The following PRKG1 variants were observed in gnomAD, a reference collection of about 807,000 sequenced individuals.
PRKG1 encodes the protein cGMP-dependent protein kinase 1.
Under a neutral mutation model 88.1 loss-of-function variants are expected in PRKG1, and 35 were observed. That is an observed-to-expected ratio of 0.40 (90% CI 0.30 to 0.53). The LOEUF (loss-of-function observed/expected upper bound fraction) is 0.53, where lower values mean the gene tolerates loss of function less well. Ranked by LOEUF, PRKG1 falls within the 20% of genes least tolerant of loss-of-function variation. The pLI is 0.59. For synonymous variants in PRKG1, 303 were observed against 292.5 expected (o/e 1.04, Z -0.37); for missense variants, 540 against 839.8 (o/e 0.64, Z 4.41).
chr10:52,098,591 A>C (rs1847226269), intron 7 of PRKG1, among the ~76,000 whole-genome samples: 1 of 152,208 alleles, frequency 6.6e-6, no homozygotes, highest in South Asian at 2.1e-4. Flanking sequence ...GAGGTGGATA[A>C]CGTGAGGTCA....
chr10:51,331,648 A>G (rs780654874), intron 2 of PRKG1, among the ~76,000 whole-genome samples: 8 of 152,168 alleles, frequency 5.3e-5, no homozygotes, highest in Non-Finnish European at 1.2e-4. Context: ...ATTGTGCTGC[A>G]ACTACATACC....
chr10:51,354,137 G>C (rs543229161), intron 2 of PRKG1, among the ~76,000 whole-genome samples: 1 of 151,954 alleles, frequency 6.6e-6, no homozygotes, highest in East Asian at 1.9e-4. Context: ...AGAGGAGAAG[G>C]ATGGTTACAA....
At chr10:51,719,149 C>CAAA (rs34785296) in intron 3 of PRKG1, among the ~76,000 whole-genome samples, 7 of 94,078 alleles carry the variant, frequency 7.4e-5, no homozygotes, top group East Asian at 2.3e-4. Flanking sequence ...TATCCTGTCT[C>CAAA]AAAAAAAAGA....
At chr10:51,778,344 T>C (rs1176743266) in intron 3 of PRKG1, among the ~76,000 whole-genome samples, 2 of 152,168 alleles carry the variant, frequency 1.3e-5, no homozygotes. Context: ...CAATACTGAC[T>C]AATTGGCAAA....
chr10:51,352,781 C>T (rs899301685), intron 2 of PRKG1, among the ~76,000 whole-genome samples: 3 of 151,946 alleles, frequency 2.0e-5, no homozygotes, highest in African/African-American at 7.3e-5. Flanking sequence ...TGCATGAAAT[C>T]AGAAATACCC....
At chr10:51,628,344 G>T (rs928836304) in intron 3 of PRKG1, among the ~76,000 whole-genome samples, 10 of 151,004 alleles carry the variant, frequency 6.6e-5, no homozygotes, top group Non-Finnish European at 1.3e-4. Context: ...TGTATTTTTT[G>T]TAGAAATGAG....
At chr10:51,055,781 G>A (rs564328930) in intron 1 of PRKG1, among the ~76,000 whole-genome samples, 33 of 152,156 alleles carry the variant, frequency 2.2e-4, no homozygotes, top group Non-Finnish European at 3.7e-4. Context: ...CCAAAAGGAG[G>A]ATACTTACAA....
At chr10:51,215,811 G>T (rs1838357947) in intron 2 of PRKG1, among the ~76,000 whole-genome samples, 1 of 152,096 alleles carries the variant, frequency 6.6e-6, no homozygotes, top group South Asian at 2.1e-4. Flanking sequence ...TCTATATACA[G>T]AACTTACATT....
intron 3 of PRKG1, among the ~76,000 whole-genome samples, chr10:51,508,927 G>C (rs1056166530): frequency 6.6e-6 from 1 of 152,142 alleles, no homozygotes; most frequent in African/African-American, 2.4e-5. Context: ...GATCACAGCT[G>C]ACTTCATGGC....
At chr10:51,444,170 A>G (rs561726266) in intron 2 of PRKG1, among the ~76,000 whole-genome samples, 1 of 151,614 alleles carries the variant, frequency 6.6e-6, no homozygotes. Flanking sequence ...TACAGTAACT[A>G]GAAATATCTA....
chr10:52,135,274 A>G (rs1837376689), intron 8 of PRKG1, among the ~76,000 whole-genome samples: 1 of 152,158 alleles, frequency 6.6e-6, no homozygotes, highest in Non-Finnish European at 1.5e-5. Flanking sequence ...TAGGAAAGCT[A>G]TCAGCCATTT....
chr10:51,204,010 G>T (rs1837978750), intron 2 of PRKG1, among the ~76,000 whole-genome samples: 4 of 152,172 alleles, frequency 2.6e-5, no homozygotes, highest in Non-Finnish European at 5.9e-5. Context: ...AAATAGGAAA[G>T]AAAAGATTTA....
chr10:51,243,112 G>A (rs1839197393), intron 2 of PRKG1, among the ~76,000 whole-genome samples: 1 of 152,094 alleles, frequency 6.6e-6, no homozygotes, highest in South Asian at 2.1e-4. Context: ...TTAGAAGGAA[G>A]GCTTTTTGGT....
intron 2 of PRKG1, among the ~76,000 whole-genome samples, chr10:51,311,088 G>T (rs1004194225): frequency 1.3e-5 from 2 of 152,126 alleles, no homozygotes; most frequent in African/African-American, 2.4e-5. Context: ...AGTGTGTACA[G>T]CACTTTTCAC....
intron 9 of PRKG1, among the ~76,000 whole-genome samples, chr10:52,178,125 G>T (rs1337316685): frequency 6.6e-6 from 1 of 151,546 alleles, no homozygotes; most frequent in African/African-American, 2.4e-5. Context: ...TTTTGATATA[G>T]GCATTTCTTG....
intron 3 of PRKG1, among the ~76,000 whole-genome samples, chr10:51,538,949 T>C (rs925351431): frequency 1.1e-4 from 16 of 152,164 alleles, no homozygotes; most frequent in African/African-American, 2.6e-4. Context: ...AACCACTCCA[T>C]CAAATAGATT....
In PRKG1 at chr10:51,444,743, G is replaced by C. The variant is rs1332533278; in HGVS notation, c.479-22980G>C. ...GAAGTGTATTTTCTCCCAAAGTCATGCTTCTATAATGCATTATTTGTAGAG... is the reference window on the plus strand; with the variant it reads ...GAAGTGTATTTTCTCCCAAAGTCATCCTTCTATAATGCATTATTTGTAGAG... On this transcript the variant is annotated intron_variant, in intron 2 of 17. Transcript: ENST00000373980. Among the ~76,000 whole-genome samples the C allele has an allele frequency of 1.3e-5, 2 of 151,892 alleles. 1 individual carries two copies. Among genetic ancestry groups the C allele is most frequent in the Non-Finnish European group, 2.9e-5 (2 of 67,934 alleles).
At chr10:51,954,399 C>A (rs901254098) in intron 5 of PRKG1, among the ~76,000 whole-genome samples, 4 of 152,004 alleles carry the variant, frequency 2.6e-5, no homozygotes, top group African/African-American at 9.7e-5. Context: ...AAGGATTATG[C>A]TTTACTGAAT....
At chr10:51,004,594 G>A (rs936972731) in intron 1 of PRKG1, among the ~76,000 whole-genome samples, 4 of 152,138 alleles carry the variant, frequency 2.6e-5, no homozygotes, top group African/African-American at 7.2e-5. Context: ...TAGTGGAAAC[G>A]TGGAAGGTTC....
Sources: allele counts gnomAD v4.1 joint callset (sites outside exome capture counted in the v4.1 genomes callset), GRCh38; gene constraint gnomAD v4.1.1; transcripts MANE v1.5; gene names NCBI Gene and HGNC (gene_info 2026-07-23, HGNC 2026-07-21).